CDKL5: variants seen among roughly 807,000 people sequenced by gnomAD.
The protein encoded by CDKL5 is cyclin dependent kinase like 5, also known as cyclin-dependent kinase-like 5.
In CDKL5, 8 loss-of-function variants were observed where a neutral mutation model predicts 61.7. That is an observed-to-expected ratio of 0.13 (90% confidence interval 0.08 to 0.23). The LOEUF (loss-of-function observed/expected upper bound fraction) is 0.23. Ranked by LOEUF, CDKL5 falls within the 10% of genes least tolerant of loss-of-function variation. The pLI is 1.00. For missense variants in CDKL5, 440 were observed against 734.5 expected (o/e 0.60, Z 4.63); for synonymous variants, 275 against 272.3 (o/e 1.01, Z -0.10).
chrX:18,498,222 A>G (rs907595040), intron 1 of CDKL5, among the ~76,000 whole-genome samples: 1 of 111,528 alleles, frequency 9.0e-6, no homozygotes, highest in African/African-American at 3.3e-5. Context: ...TTATACAGTT[A>G]CCACTTACAT....
At chrX:18,558,926 A>G (rs1445239394) in intron 3 of CDKL5, among the ~76,000 whole-genome samples, 1 of 112,494 alleles carries the variant, frequency 8.9e-6, no homozygotes, top group Non-Finnish European at 1.9e-5. Flanking sequence ...AGTGTGGTGA[A>G]GGTAAAGGGA....
At position 18,586,294 on chromosome X, in the gene CDKL5, G is replaced by A. The variant is rs772424236; in HGVS notation, c.555-1660G>A. 2.7e-5 allele frequency among the ~76,000 whole-genome samples: 3 copies of A among 111,560 alleles called. No homozygotes were observed. In the South Asian group the frequency reaches 1.1e-3, roughly 42 times the overall value. On this transcript the variant is annotated intron_variant, in intron 8 of 17. Transcript: ENST00000623535. ...GGATGCATAGTCCATTTTCTTTTGG[G>A]AGAATTGAATTTACTGGACACTTTA...
rs3788811 is a variant in CDKL5 at position 18,483,808 on chromosome X, A to C, written c.-162-23127A>C. Among the ~76,000 whole-genome samples the C allele has an allele frequency of 1.9e-4, 21 of 112,157 alleles. No homozygotes were observed. In the East Asian group the frequency reaches 3.6e-3, roughly 19 times the overall value. ...AAATCTAGAAACTAAAAAGTTAAAA[A>C]AAATTTTTATGTTAGCCTAAACAAT... On this transcript the variant is annotated intron_variant, in intron 1 of 17. Transcript: ENST00000623535.
At chrX:18,480,846 CTTCT>C (rs1301469972) in intron 1 of CDKL5, among the ~76,000 whole-genome samples, 2 of 96,083 alleles carry the variant, frequency 2.1e-5, no homozygotes, top group Non-Finnish European at 4.3e-5. Flanking sequence ...TCCTCTTCCT[CTTCT>C]TTCTTCCTTT....
intron 1 of CDKL5, among the ~76,000 whole-genome samples, chrX:18,476,200 T>G (rs1203225641): frequency 9.0e-6 from 1 of 111,591 alleles, no homozygotes; most frequent in Non-Finnish European, 1.9e-5. Flanking sequence ...GGATTGACTC[T>G]TAATGTCCTT....
At chrX:18,538,172 A>C (rs895760141) in intron 3 of CDKL5, among the ~76,000 whole-genome samples, 1 of 111,516 alleles carries the variant, frequency 9.0e-6, no homozygotes, top group Non-Finnish European at 1.9e-5. Flanking sequence ...TTGTAGTTTA[A>C]ATTTGTATTT....
At chrX:18,467,987 T>C (rs778774057) in intron 1 of CDKL5, among the ~76,000 whole-genome samples, 1 of 112,084 alleles carries the variant, frequency 8.9e-6, no homozygotes, top group African/African-American at 3.2e-5. Context: ...AAGTGATGAT[T>C]GAAATGTGCT....
At chrX:18,607,091 G>C (rs1057473341) in intron 12 of CDKL5, among the ~76,000 whole-genome samples, 2 of 111,910 alleles carry the variant, frequency 1.8e-5, no homozygotes, top group African/African-American at 6.5e-5. Context: ...ACCAGCTCAG[G>C]ATGGAGCTGG....
At chrX:18,596,387 G>A (rs1229782453) in intron 10 of CDKL5, among the ~76,000 whole-genome samples, 1 of 111,551 alleles carries the variant, frequency 9.0e-6, no homozygotes, top group African/African-American at 3.3e-5. Context: ...ACAACCTTTT[G>A]TAGAGATGCA....
At chrX:18,555,156 C>T (rs1569208577) in intron 3 of CDKL5, among the ~76,000 whole-genome samples, 3 of 110,432 alleles carry the variant, frequency 2.7e-5, no homozygotes. Flanking sequence ...GGGACTGTCC[C>T]GTGCATTGTA....
intron 1 of CDKL5, among the ~76,000 whole-genome samples, chrX:18,456,252 C>A (rs1372766987): frequency 9.1e-6 from 1 of 110,351 alleles, no homozygotes; most frequent in African/African-American, 3.3e-5. Flanking sequence ...GTTAGCCAGG[C>A]TGGTCGAACT....
chrX:18,481,320 G>GTTTCTTTCTTTC lies in CDKL5; in HGVS notation c.-162-25575_-162-25564dup, dbSNP rs201816691. ...TCAGCCATTTCACCAAAGAGTCCTG[G>GTTTCTTTCTTTC]TTTCTTTCTTTCTTTCTTTCTTTCT... is the stretch of plus-strand genomic sequence containing the variant. On this transcript the variant is annotated intron_variant, in intron 1 of 17. Coordinates refer to ENST00000623535, the MANE Select transcript of CDKL5 (RefSeq NM_001323289.2). Among the ~76,000 whole-genome samples the GTTTCTTTCTTTC allele has an allele frequency of 9.0e-3, 759 of 84,675 alleles. 17 individuals are homozygous for GTTTCTTTCTTTC. Among genetic ancestry groups the GTTTCTTTCTTTC allele is most frequent in the East Asian group, 0.065 (163 of 2,506 alleles). 73.5% of individuals were successfully genotyped at this position (84,675 alleles called of 115,157 possible).
intron 1 of CDKL5, among the ~76,000 whole-genome samples, chrX:18,484,965 CCCA>C (rs1921737292): frequency 5.4e-5 from 6 of 110,565 alleles, no homozygotes; most frequent in Non-Finnish European, 1.1e-4. Flanking sequence ...CGCCATGTTG[CCCA>C]TAATAAATAA....
chrX:18,585,522 A>G (rs1290098458), intron 8 of CDKL5, among the ~76,000 whole-genome samples: 1 of 111,240 alleles, frequency 9.0e-6, no homozygotes, highest in Non-Finnish European at 1.9e-5. Flanking sequence ...TTTCTCAGTA[A>G]CATCTCTACA....
chrX:18,428,521 CT>C (rs764954366), intron 1 of CDKL5, among the ~76,000 whole-genome samples: 5 of 111,293 alleles, frequency 4.5e-5, no homozygotes, highest in Admixed American at 9.7e-5. Flanking sequence ...GGGAATATGA[CT>C]TTTTTATGTA....
chrX:18,505,343 T>A (rs1008566478), intron 1 of CDKL5, among the ~76,000 whole-genome samples: 2 of 112,289 alleles, frequency 1.8e-5, no homozygotes, highest in Non-Finnish European at 3.8e-5. Flanking sequence ...AGTACTAATA[T>A]GAAAATTAGA....
At chrX:18,589,559 G>A (rs1295284765) in intron 9 of CDKL5, 1 of 111,245 alleles carries the variant, frequency 9.0e-6, no homozygotes, top group Non-Finnish European at 1.9e-5. Flanking sequence ...ATTTGGGTTG[G>A]GTCCAAGTCT....
chrX:18,466,021 C>G (rs1932394008), intron 1 of CDKL5, among the ~76,000 whole-genome samples: 1 of 111,576 alleles, frequency 9.0e-6, no homozygotes, highest in Non-Finnish European at 1.9e-5. Context: ...TATCCCTCAG[C>G]TTTGATAAGC....
intron 3 of CDKL5, among the ~76,000 whole-genome samples, chrX:18,532,058 G>T (rs1371413177): frequency 8.9e-6 from 1 of 111,987 alleles, no homozygotes; most frequent in African/African-American, 3.2e-5. Context: ...GCACTGTATG[G>T]GTTGATGCTG....
Sources: allele counts gnomAD v4.1 joint callset (sites outside exome capture counted in the v4.1 genomes callset), GRCh38; gene constraint gnomAD v4.1.1; transcripts MANE v1.5; gene names NCBI Gene and HGNC (gene_info 2026-07-23, HGNC 2026-07-21).